Variants in ZNF585B observed in about 807,000 individuals in gnomAD.
The protein encoded by ZNF585B is zinc finger protein 41-like protein.
In ZNF585B, 7 loss-of-function variants were observed where a neutral mutation model predicts 14.0. That is an observed-to-expected ratio of 0.50 (90% CI 0.28 to 0.94). The LOEUF is 0.94. Among genes scored for constraint, ZNF585B ranks in the 40% least tolerant of loss-of-function variants. ZNF585B has a pLI of 0.09. For synonymous variants in ZNF585B, 290 were observed against 317.3 expected, an observed-to-expected ratio of 0.91 and a Z score of 0.91; for missense variants, 750 against 924.4, an observed-to-expected ratio of 0.81 and a Z score of 2.45.
In ZNF585B at chr19:37,185,695, G is replaced by A. The variant is rs754882906; in HGVS notation, c.1842C>T (p.Ser614=). ...KPYECSDCGK[S]FTSKSQLLVH... ...CCAGGAGCTGAGACTTGGAGGTAAA[G>A]GACTTCCCACAGTCACTGCATTCAT... Residue 614 remains serine (S), a synonymous_variant, in exon 5 of 5, where the codon TCC becomes TCT. Transcript: ENST00000532828. 4.4e-6 allele frequency: 7 copies of A among 1,595,108 alleles called. No homozygotes were observed. The African/African-American group carries it at 8.1e-5, about 19-fold the overall frequency.
rs749617730 is a variant in ZNF585B at position 37,186,514 on chromosome 19, G to A, written c.1023C>T (p.Leu341=). 70 of 1,614,068 alleles carry A rather than the reference G, an allele frequency of 4.3e-5. No homozygotes were observed. Among genetic ancestry groups the A allele is most frequent in the Non-Finnish European group, 5.8e-5 (69 of 1,180,048 alleles). The change falls in exon 5 of 5, where the codon CTC becomes CTT. Residue 341 remains leucine, a synonymous_variant. Transcript: ENST00000532828. Reference sequence around the variant, plus strand: ...TACTTTGAATCTTCTCATGTGTAATGAGGTTGGAATTATTGCTGAAGACCT... The same window carrying A: ...TACTTTGAATCTTCTCATGTGTAATAAGGTTGGAATTATTGCTGAAGACCT... ...YGKVFSNNSN[L]ITHEKIQSRE... is the part of the protein sequence containing the mutation.
rs1972318592 is a variant in ZNF585B at position 37,185,219 on chromosome 19, T to A, written c.*8A>T. ...AACCCTCAGGGGGGTTTTCTCACAC[T>A]GTTTCTCTCAAGCGTGGCTGCTCTG... is the stretch of plus-strand genomic sequence containing the variant. On this transcript the variant is annotated 3_prime_UTR_variant, in exon 5 of 5. Coordinates refer to ENST00000532828, the MANE Select transcript of ZNF585B (RefSeq NM_152279.4). 3 of 1,600,544 alleles carry A rather than the reference T, an allele frequency of 1.9e-6. No homozygotes were observed. Among genetic ancestry groups the A allele is most frequent in the Non-Finnish European group, 2.6e-6 (3 of 1,170,972 alleles).
Position 37,207,263 on chromosome 19 carries a change from A to G in ZNF585B, c.-143-9T>C, listed in dbSNP as rs915649730. ...CAGAGACACCCAAGAACCTAGAAAA[A>G]CAATGTCCACGTAGTCATTCAACAT... On this transcript the variant is annotated splice_polypyrimidine_tract_variant and intron_variant, in intron 1 of 4. Coordinates refer to ENST00000532828, the MANE Select transcript of ZNF585B (RefSeq NM_152279.4). 6.9e-7 allele frequency: 1 copy of G among 1,454,074 alleles called. No individual in the cohort carries two copies. The highest frequency in any genetic ancestry group is 9.0e-7 in the Non-Finnish European group (1 of 1,105,536). The allele number at this position is 1,454,074 out of a possible 1,614,324, so 90.1% of individuals were successfully genotyped here.
At chr19:37,208,174 T>C (rs1174595733) in intron 1 of ZNF585B, among the ~76,000 whole-genome samples, 4 of 152,138 alleles carry the variant, frequency 2.6e-5, no homozygotes, top group African/African-American at 7.2e-5. Context: ...GGTTTCACCA[T>C]GTTGGCTGGG....
In ZNF585B at chr19:37,186,343, T is replaced by C; in HGVS notation, c.1194A>G (p.Thr398=). Reference sequence around the variant, plus strand: ...CTCCTGTATGAATTCTCTGATGCACTGTGAGTGCTGACTTCTGAGTGAAGG... The same window carrying C: ...CTCCTGTATGAATTCTCTGATGCACCGTGAGTGCTGACTTCTGAGTGAAGG... ...GRAFTQKSAL[T]VHQRIHTGEK... The change falls in exon 5 of 5, where the codon ACA becomes ACG. Residue 398 remains threonine, a synonymous_variant. Transcript: ENST00000532828. 6.2e-7 allele frequency: 1 copy of C among 1,614,078 alleles called. No individual in the cohort carries two copies. Among genetic ancestry groups the C allele is most frequent in the Non-Finnish European group, 8.5e-7 (1 of 1,180,010 alleles).
intron 2 of ZNF585B, among the ~76,000 whole-genome samples, chr19:37,203,339 G>A (rs987198047): frequency 2.6e-5 from 4 of 151,936 alleles, no homozygotes; most frequent in African/African-American, 9.7e-5. Context: ...TATTAGCAGG[G>A]CACAGTGGCA....
At position 37,186,851 on chromosome 19, in the gene ZNF585B, A is replaced by C. The variant is rs373894474; in HGVS notation, c.686T>G (p.Leu229Arg). The C allele has an allele frequency of 5.6e-6, 9 of 1,613,848 alleles. No homozygotes were observed. Among genetic ancestry groups the C allele is most frequent in the African/African-American group, 2.7e-5 (2 of 74,920 alleles). The change falls in exon 5 of 5, where the codon CTC becomes CGC. Residue 229 changes from leucine to arginine, a missense_variant. This residue lies in a region of ZNF585B where 517 missense variants were observed against 570.3 expected (regional missense o/e 0.91). Transcript: ENST00000532828. ...CGKGFPYNSD[L>R]SIHEKIHTGE... ...AGTATGAATTTTCTCATGTATACTGAGATCTGAGTTATAAGGGAAACCTTT... is the reference window on the plus strand; with the variant it reads ...AGTATGAATTTTCTCATGTATACTGCGATCTGAGTTATAAGGGAAACCTTT...
rs142306556 is a variant in ZNF585B, at chr19:37,209,013, C to G, written c.-144+1428G>C. ...TCTCAAAAAAAAAAGTGACAACATC[C>G]ACTGTTGGAAAGCATTTAGGCAAAT... On this transcript the variant is annotated intron_variant, in intron 1 of 4. Coordinates refer to ENST00000532828, the MANE Select transcript of ZNF585B (RefSeq NM_152279.4). Among the ~76,000 whole-genome samples the G allele has an allele frequency of 5.7e-3, 867 of 152,168 alleles. 4 individuals are homozygous for G. The highest frequency in any genetic ancestry group is 0.017 in the Middle Eastern group (5 of 294).
At chr19:37,204,581 C>CT (rs1488344878) in intron 2 of ZNF585B, among the ~76,000 whole-genome samples, 1 of 152,146 alleles carries the variant, frequency 6.6e-6, no homozygotes. Context: ...GAGACTGCTG[C>CT]TTTTTTCTTT....
rs144540221 is a variant in ZNF585B at position 37,186,104 on chromosome 19, C to T, written c.1433G>A (p.Arg478Gln). Residue 478 changes from arginine (R) to glutamine (Q), a missense_variant, in exon 5 of 5, where the codon CGG becomes CAG. Arg to Gln is a conservative substitution (Grantham distance 43). Coordinates refer to ENST00000532828, the MANE Select transcript of ZNF585B (RefSeq NM_152279.4). Reference sequence around the variant, plus strand: ...TTTCTGATGTGTAATGAGATTTGACCGGTTGGTGAATGCCTTCCCACATTT... The same window carrying T: ...TTTCTGATGTGTAATGAGATTTGACTGGTTGGTGAATGCCTTCCCACATTT... ...CNKCGKAFTN[R>Q]SNLITHQKTH... 1.7e-5 allele frequency: 27 copies of T among 1,613,754 alleles called. No homozygotes were observed. In the African/African-American group the frequency reaches 1.9e-4, roughly 11 times the overall value.
chr19:37,191,945 G>C (rs764940763), intron 2 of ZNF585B, among the ~76,000 whole-genome samples: 5 of 152,014 alleles, frequency 3.3e-5, no homozygotes, highest in Non-Finnish European at 7.4e-5. Flanking sequence ...CAGGAGAATC[G>C]CTTGAACCTG....
chr19:37,206,367 C>T (rs2145447119), intron 2 of ZNF585B, among the ~76,000 whole-genome samples: 1 of 151,440 alleles, frequency 6.6e-6, no homozygotes, highest in East Asian at 1.9e-4. Context: ...AGGAGAATCT[C>T]TTGAACCCAG....
rs1410416075 is a variant in ZNF585B, at chr19:37,186,852, G to T, written c.685C>A (p.Leu229Ile). 1.2e-6 allele frequency: 2 copies of T among 1,613,852 alleles called. No individual in the cohort carries two copies. The highest frequency in any genetic ancestry group is 4.5e-5 in the East Asian group (2 of 44,888). The change falls in exon 5 of 5, where the codon CTC (leucine) becomes ATC (isoleucine). Residue 229 changes from leucine to isoleucine, a missense_variant. Transcript: ENST00000532828. ...CGKGFPYNSD[L>I]SIHEKIHTGE... ...GTATGAATTTTCTCATGTATACTGA[G>T]ATCTGAGTTATAAGGGAAACCTTTC...
intron 2 of ZNF585B, among the ~76,000 whole-genome samples, chr19:37,193,167 TG>T (rs970986933): frequency 6.7e-6 from 1 of 150,326 alleles, no homozygotes; most frequent in African/African-American, 2.5e-5. Context: ...AAACACCACA[TG>T]AGTTTAAAGA....
Position 37,186,800 on chromosome 19 carries a change from T to C in ZNF585B, c.737A>G (p.Asp246Gly). 6.2e-7 allele frequency: 1 copy of C among 1,614,206 alleles called. No homozygotes were observed. Among genetic ancestry groups the C allele is most frequent in the Non-Finnish European group, 8.5e-7 (1 of 1,180,028 alleles). ...CTTTTGTGTGAACGCTTTGCCACAG[T>C]CAGTGCATTCATGGTGTCTCTCTCC... ...HTGERHHECT[D>G]CGKAFTQKST... The change falls in exon 5 of 5, where the codon GAC (aspartate) becomes GGC (glycine). Residue 246 changes from aspartate to glycine, a missense_variant. By Grantham distance (94) the Asp-to-Gly change is moderately conservative (BLOSUM62 -1). Coordinates refer to ENST00000532828, the MANE Select transcript of ZNF585B (RefSeq NM_152279.4).
intron 2 of ZNF585B, among the ~76,000 whole-genome samples, chr19:37,193,253 T>A (rs1972423408): frequency 6.6e-6 from 1 of 151,440 alleles, no homozygotes. Context: ...GGGCAGATCA[T>A]GAGATCAGAA....
At chr19:37,206,769 G>T (rs560593785) in intron 2 of ZNF585B, among the ~76,000 whole-genome samples, 1 of 152,172 alleles carries the variant, frequency 6.6e-6, no homozygotes, top group African/African-American at 2.4e-5. Flanking sequence ...TCTATTTGCA[G>T]CCAAAACATC....
intron 2 of ZNF585B, among the ~76,000 whole-genome samples, chr19:37,190,975 T>C (rs1401268625): frequency 2.0e-5 from 3 of 152,208 alleles, no homozygotes; most frequent in African/African-American, 7.2e-5. Context: ...CCTATATATC[T>C]ACTACTTAGA....
chr19:37,200,039 G>A (rs140965448), intron 2 of ZNF585B, among the ~76,000 whole-genome samples: 5,063 of 147,572 alleles, frequency 0.034, 102 homozygotes, highest in South Asian at 0.089. Context: ...GCGAAACTCC[G>A]TCTCAAAAAT....
Sources: gnomAD v4.1 joint callset for allele counts (sites outside exome capture counted in the v4.1 genomes callset) on GRCh38, gnomAD v4.1.1 for gene constraint, gnomAD v4.1.1 regional missense constraint, MANE v1.5 for transcripts, NCBI Gene and HGNC (gene_info 2026-07-23, HGNC 2026-07-21) for gene names.